Variants in PKHD1 observed in about 807,000 individuals in gnomAD.
The protein encoded by PKHD1 is fibrocystin.
A neutral mutation model predicts 412.0 loss-of-function variants in PKHD1; 291 were observed. The observed-to-expected ratio is 0.71, with a 90% CI of 0.64 to 0.78. The LOEUF is 0.78. Ranked by LOEUF, PKHD1 falls within the 30% of genes least tolerant of loss-of-function variation. The pLI is 0.00. For missense variants in PKHD1, 4,825 were observed against 4,950.7 expected, an observed-to-expected ratio of 0.97 and a Z score of 0.76; for synonymous variants, 1,777 against 1,821.5, an observed-to-expected ratio of 0.98 and a Z score of 0.62.
intron 52 of PKHD1, among the ~76,000 whole-genome samples, chr6:51,807,886 T>C (rs1163384587): frequency 2.6e-5 from 4 of 151,896 alleles, no homozygotes; most frequent in Non-Finnish European, 1.5e-5. Flanking sequence ...AGATGGAAAG[T>C]AGATTAATGG....
At chr6:51,655,781 C>T (rs941667952) in intron 61 of PKHD1, among the ~76,000 whole-genome samples, 1 of 152,056 alleles carries the variant, frequency 6.6e-6, no homozygotes, top group African/African-American at 2.4e-5. Flanking sequence ...TGAAAAACCA[C>T]AATGAGATAC....
chr6:51,886,079 G>T, intron 44 of PKHD1, 107 bp from the exon 45 acceptor site: 1 of 766,066 alleles, frequency 1.3e-6, no homozygotes. Flanking sequence ...GGAGAATGAA[G>T]GTAGATGGAA....
chr6:51,771,080 C>T (rs1050514463), intron 55 of PKHD1, among the ~76,000 whole-genome samples: 1 of 150,938 alleles, frequency 6.6e-6, no homozygotes, highest in Non-Finnish European at 1.5e-5. Flanking sequence ...ATTTCAAACT[C>T]TCCAGCTCCC....
chr6:51,680,679 A>T (rs1040749131), intron 60 of PKHD1, among the ~76,000 whole-genome samples: 1 of 152,098 alleles, frequency 6.6e-6, no homozygotes, highest in African/African-American at 2.4e-5. Context: ...TATTACAGAC[A>T]GCCTGCTACC....
At chr6:52,082,618 C>T in intron 3 of PKHD1, 76 bp from the exon 4 acceptor site, 1 of 1,433,510 alleles carries the variant, frequency 7.0e-7, no homozygotes, top group Non-Finnish European at 9.8e-7. Flanking sequence ...GTGCTAAGAT[C>T]CTGGGGGTAA....
chr6:51,836,528 A>T, intron 50 of PKHD1, 59 bp from the exon 51 acceptor site: 1 of 1,199,068 alleles, frequency 8.3e-7, no homozygotes, highest in South Asian at 1.2e-5. Flanking sequence ...TATTAAAGAC[A>T]GTCACACGTG....
chr6:51,755,033 A>C (rs558712708), intron 55 of PKHD1, 95 bp from the exon 56 acceptor site: 1 of 1,012,730 alleles, frequency 9.9e-7, no homozygotes, highest in Non-Finnish European at 1.6e-6. Context: ...ACTGTGACCA[A>C]CATATCCCAC....
intron 54 of PKHD1, among the ~76,000 whole-genome samples, chr6:51,773,191 ACT>A (rs149491784): frequency 0.018 from 2,708 of 152,036 alleles, 80 homozygotes; most frequent in African/African-American, 0.059. Context: ...AGCATGGTTA[ACT>A]CTATTTCCTT....
intron 35 of PKHD1, among the ~76,000 whole-genome samples, chr6:51,963,136 A>G (rs1792322514): frequency 6.6e-6 from 1 of 152,078 alleles, no homozygotes; most frequent in South Asian, 2.1e-4. Flanking sequence ...AAAATGCTAT[A>G]TCCCCTAGGT....
At chr6:51,866,213 C>T (rs1391202322) in intron 48 of PKHD1, among the ~76,000 whole-genome samples, 3 of 152,060 alleles carry the variant, frequency 2.0e-5, no homozygotes, top group Non-Finnish European at 4.4e-5. Context: ...GAGTATTTGT[C>T]CATAGACCTG....
chr6:51,714,981 C>T (rs1482331153), intron 60 of PKHD1, among the ~76,000 whole-genome samples: 2 of 151,620 alleles, frequency 1.3e-5, no homozygotes, highest in Non-Finnish European at 2.9e-5. Flanking sequence ...GGAATTTTCA[C>T]AAATTCCAAT....
intron 36 of PKHD1, among the ~76,000 whole-genome samples, chr6:51,958,182 C>G (rs1791435219): frequency 6.6e-6 from 1 of 152,060 alleles, no homozygotes; most frequent in Non-Finnish European, 1.5e-5. Context: ...CGTGCAGAAA[C>G]TGGAATCTAC....
At chr6:52,048,401 C>T in intron 23 of PKHD1, 91 bp downstream of exon 23, 1 of 1,227,780 alleles carries the variant, frequency 8.1e-7, no homozygotes, top group Non-Finnish European at 1.2e-6. Context: ...ATATTATCAC[C>T]TGTCTGACAA....
chr6:51,829,353 T>G (rs1224374805), intron 52 of PKHD1, among the ~76,000 whole-genome samples: 2 of 152,056 alleles, frequency 1.3e-5, no homozygotes, highest in African/African-American at 2.4e-5. Context: ...CCAAGATTGC[T>G]CCTTGCTCGG....
In PKHD1 at chr6:52,066,094, A is replaced by AG; in HGVS notation, c.779-18_779-17insC. The AG allele has an allele frequency of 8.0e-7, 1 of 1,247,162 alleles. No homozygotes were observed. Among genetic ancestry groups the AG allele is most frequent in the Non-Finnish European group, 1.2e-6 (1 of 849,234 alleles). 77.3% of individuals were successfully genotyped at this position (1,247,162 alleles called of 1,614,324 possible). A position where few individuals can be genotyped will look rare whatever the true frequency, so the allele number is the denominator to read the frequency against. ...ATAATATTTCTGCAAGAGTTAAAAA[A>AG]AAAAAAAAGTAAGCTTCCAAATATA... On this transcript the variant is annotated splice_polypyrimidine_tract_variant and intron_variant, in intron 11 of 66. Transcript: ENST00000371117.
At chr6:51,730,281 G>C (rs915418594) in intron 60 of PKHD1, among the ~76,000 whole-genome samples, 11 of 152,142 alleles carry the variant, frequency 7.2e-5, no homozygotes, top group African/African-American at 2.6e-4. Flanking sequence ...TTCATGCAAA[G>C]AAGTATCCCT....
At chr6:51,768,532 T>TA (rs1372197849) in intron 55 of PKHD1, among the ~76,000 whole-genome samples, 1 of 152,022 alleles carries the variant, frequency 6.6e-6, no homozygotes, top group Non-Finnish European at 1.5e-5. Context: ...ACTTGTATAT[T>TA]AAAAAGATGT....
At chr6:51,769,241 A>G (rs551426455) in intron 55 of PKHD1, among the ~76,000 whole-genome samples, 56 of 151,658 alleles carry the variant, frequency 3.7e-4, no homozygotes, top group Non-Finnish European at 7.4e-4. Flanking sequence ...ATTATTTGAT[A>G]TTCAACTGAT....
intron 16 of PKHD1, among the ~76,000 whole-genome samples, chr6:52,057,705 A>G (rs1489139389): frequency 6.6e-6 from 1 of 152,132 alleles, no homozygotes; most frequent in African/African-American, 2.4e-5. Flanking sequence ...GTGAGCCACC[A>G]CACCTGGCCA....
Sources: gnomAD v4.1 joint callset for allele counts (sites outside exome capture counted in the v4.1 genomes callset) on GRCh38, gnomAD v4.1.1 for gene constraint, MANE v1.5 for transcripts, NCBI Gene and HGNC (gene_info 2026-07-23, HGNC 2026-07-21) for gene names.